The following FASTK variants were observed in gnomAD, a reference collection of about 807,000 sequenced individuals.
FASTK encodes Fas activated serine/threonine kinase.
A neutral mutation model predicts 60.0 loss-of-function variants in FASTK; 28 were observed. The ratio of observed to expected loss-of-function variants is 0.47; its 90% CI spans 0.35 to 0.64. The LOEUF is 0.64. Ranked by LOEUF, FASTK falls within the 30% of genes least tolerant of loss-of-function variation. FASTK has a pLI of 0.01. For synonymous variants in FASTK, 325 were observed against 307.9 expected (o/e 1.06, Z -0.58); for missense variants, 595 against 713.8 (o/e 0.83, Z 1.90).
At position 151,080,768 on chromosome 7, in the gene FASTK, G is replaced by A. The variant is rs546249265; in HGVS notation, c.-2C>T. 1.0e-4 allele frequency: 135 copies of A among 1,287,038 alleles called. No individual in the cohort carries two copies. Among genetic ancestry groups the A allele is most frequent in the Non-Finnish European group, 1.3e-4 (132 of 1,016,086 alleles). The allele number at this position is 1,287,038 out of a possible 1,614,324, so 79.7% of individuals were successfully genotyped here. A position where few individuals can be genotyped will look rare whatever the true frequency, so the allele number is the denominator to read the frequency against. ...GGGTTCCCCCCGCGGCCTCCTCATCGGCTAGCCACCGAGTCCGCCATCTTC... is the reference window on the plus strand; with the variant it reads ...GGGTTCCCCCCGCGGCCTCCTCATCAGCTAGCCACCGAGTCCGCCATCTTC... On this transcript the variant is annotated 5_prime_UTR_variant, in exon 1 of 10. Coordinates refer to ENST00000297532, the MANE Select transcript of FASTK (RefSeq NM_006712.5).
At chr7:151,078,740 C>A (rs993562036) in intron 3 of FASTK, 39 bp from the exon 4 acceptor site, 2 of 1,611,404 alleles carry the variant, frequency 1.2e-6, no homozygotes, top group Non-Finnish European at 1.7e-6. Flanking sequence ...CTCAGCCGGA[C>A]CTCCGGCTGG....
rs1205968456 is a variant in FASTK, at chr7:151,078,862, T to C, written c.665A>G (p.His222Arg). The change falls in exon 3 of 10, where the codon CAT (histidine) becomes CGT (arginine). Residue 222 changes from histidine to arginine, a missense_variant. Physicochemically the swap from His to Arg is conservative, Grantham distance 29. Around this residue, in one of 2 missense-constraint regions of FASTK, gnomAD observed 471 missense variants for 605.9 expected, o/e 0.78. Coordinates refer to ENST00000297532, the MANE Select transcript of FASTK (RefSeq NM_006712.5). ...AGCACCTGCCAGGCTGCTGATCAGATGCTGCCGTGGATACCGCAGAAAACG... is the reference window on the plus strand; with the variant it reads ...AGCACCTGCCAGGCTGCTGATCAGACGCTGCCGTGGATACCGCAGAAAACG... ...CPRFLRYPRQHLISSLAEARP... is the reference protein window; with the variant it reads ...CPRFLRYPRQRLISSLAEARP... The C allele has an allele frequency of 1.9e-6, 3 of 1,608,270 alleles. No individual in the cohort carries two copies. The highest frequency in any genetic ancestry group is 1.7e-6 in the Non-Finnish European group (2 of 1,178,234).
At position 151,077,995 on chromosome 7, in the gene FASTK, G is replaced by A. The variant is rs775688768; in HGVS notation, c.923C>T (p.Ala308Val). Residue 308 changes from alanine (A) to valine (V), a missense_variant, in exon 5 of 10, where the codon GCA becomes GTA. Ala to Val is a moderately conservative substitution (Grantham distance 64, BLOSUM62 0). This residue lies in a region of FASTK where 471 missense variants were observed against 605.9 expected (regional missense o/e 0.78). Coordinates refer to ENST00000297532, the MANE Select transcript of FASTK (RefSeq NM_006712.5). ...PCLERILAREAGVAPLATVNI... is the reference protein window; with the variant it reads ...PCLERILAREVGVAPLATVNI... The stretch of plus-strand genomic sequence containing the variant: ...GACTGTAGCCAGGGGTGCCACCCCT[G>A]CTTCCCGAGCCAGGATCCTCTCAAG... 9 of 1,612,746 alleles carry A rather than the reference G, an allele frequency of 5.6e-6. No individual in the cohort carries two copies. In the East Asian group the frequency reaches 1.8e-4, roughly 32 times the overall value.
rs1797946448 is a variant in FASTK at position 151,080,752 on chromosome 7, C to G, written c.15G>C (p.Arg5=). 1.5e-6 allele frequency: 2 copies of G among 1,302,796 alleles called. No homozygotes were observed. The highest frequency in any genetic ancestry group is 1.5e-5 in the African/African-American group (1 of 64,870). The allele number at this position is 1,302,796 out of a possible 1,614,324, so 80.7% of individuals were successfully genotyped here. A position where few individuals can be genotyped will look rare whatever the true frequency, so the allele number is the denominator to read the frequency against. Residue 5 remains arginine, a synonymous_variant, in exon 1 of 10, where the codon CGG becomes CGC. Transcript: ENST00000297532. The stretch of plus-strand genomic sequence containing the variant: ...TCGGGGCCCGGGGGCCGGGTTCCCC[C>G]CGCGGCCTCCTCATCGGCTAGCCAC... MRRP[R]GEPGPRAPRP... is the part of the protein sequence containing the mutation.
intron 1 of FASTK, chr7:151,080,366 C>T (rs1797922125): frequency 2.5e-6 from 2 of 804,562 alleles, no homozygotes; most frequent in Non-Finnish European, 3.3e-6. Context: ...GAGGCGGCGG[C>T]GGCACAGAGG....
Position 151,076,788 on chromosome 7 carries a change from G to A in FASTK, c.1587C>T (p.Leu529=). Residue 529 remains leucine, a synonymous_variant, in exon 10 of 10, where the codon CTC becomes CTT. Coordinates refer to ENST00000297532, the MANE Select transcript of FASTK (RefSeq NM_006712.5). Reference sequence around the variant, plus strand: ...GGAGCTTCTGCCTCAGGTAGCTCTTGAGCTGGGGCAGGCCTCTCTGGGACT... The same window carrying A: ...GGAGCTTCTGCCTCAGGTAGCTCTTAAGCTGGGGCAGGCCTCTCTGGGACT... ...ELESQRGLPQ[L]KSYLRQKLQA... 1 of 1,612,390 alleles carries A rather than the reference G, an allele frequency of 6.2e-7. No individual in the cohort carries two copies. Among genetic ancestry groups the A allele is most frequent in the South Asian group, 1.1e-5 (1 of 90,778 alleles).
intron 1 of FASTK, 138 bp from the exon 2 acceptor site, chr7:151,080,060 A>G: frequency 4.3e-6 from 3 of 705,018 alleles, no homozygotes; most frequent in Non-Finnish European, 7.0e-6. Flanking sequence ...CCTCTTCCCC[A>G]CCCCGCCCCT....
rs760394541 is a variant in FASTK, at chr7:151,078,026, G to A, written c.892C>T (p.Pro298Ser). ...CGAGCCAGGATCCTCTCAAGGCAGG[G>A]CATAAACTGCTGTTCCAGGGGCAGG... ...NYLPLEQQFM[P>S]CLERILAREA... The change falls in exon 5 of 10, where the codon CCC becomes TCC. Residue 298 changes from proline (P) to serine (S), a missense_variant. Pro to Ser is a moderately conservative substitution (Grantham distance 74, BLOSUM62 -1). This residue lies in a region of FASTK where 471 missense variants were observed against 605.9 expected (regional missense o/e 0.78). Coordinates refer to ENST00000297532, the MANE Select transcript of FASTK (RefSeq NM_006712.5). 6.2e-7 allele frequency: 1 copy of A among 1,607,676 alleles called. No individual in the cohort carries two copies. Among genetic ancestry groups the A allele is most frequent in the South Asian group, 1.1e-5 (1 of 90,950 alleles).
Position 151,076,651 on chromosome 7 carries a change from T to C in FASTK, c.*74A>G, listed in dbSNP as rs1355856529. ...GAAGGAAAGGAACTTTAATGAGAAA[T>C]CAAAACACAGGGAACCAAAGTGCAA... On this transcript the variant is annotated 3_prime_UTR_variant, in exon 10 of 10. Coordinates refer to ENST00000297532, the MANE Select transcript of FASTK (RefSeq NM_006712.5). 14 of 1,028,352 alleles carry C rather than the reference T, an allele frequency of 1.4e-5. No homozygotes were observed. The East Asian group carries it at 3.8e-4, about 28-fold the overall frequency. The allele number at this position is 1,028,352 out of a possible 1,614,324, so 63.7% of individuals were successfully genotyped here.
At position 151,078,107 on chromosome 7, in the gene FASTK, C is replaced by T. The variant is rs1563378913; in HGVS notation, c.826-15G>A. The T allele has an allele frequency of 6.5e-7, 1 of 1,549,182 alleles. No homozygotes were observed. The highest frequency in any genetic ancestry group is 1.8e-5 in the Admixed American group (1 of 56,544). ...TTCTGTACCACCTGTGGAGGAAGAG[C>T]AGTTCATTACCCAGTGTCAAGTATT... is the stretch of plus-strand genomic sequence containing the variant. On this transcript the variant is annotated splice_polypyrimidine_tract_variant and intron_variant, in intron 4 of 9. Transcript: ENST00000297532.
rs766579485 is a variant in FASTK, at chr7:151,076,687, C to T, written c.*38G>A. ...GGAACCAAAGTGCAAATCATCCACC[C>T]CCCATGGGGGGGCCATCCTGAACCC... On this transcript the variant is annotated 3_prime_UTR_variant, in exon 10 of 10. Coordinates refer to ENST00000297532, the MANE Select transcript of FASTK (RefSeq NM_006712.5). 1.5e-6 allele frequency: 2 copies of T among 1,331,476 alleles called. No homozygotes were observed. Among genetic ancestry groups the T allele is most frequent in the South Asian group, 1.4e-5 (1 of 72,240 alleles). 82.5% of individuals were successfully genotyped at this position (1,331,476 alleles called of 1,614,324 possible). A position where few individuals can be genotyped will look rare whatever the true frequency, so the allele number is the denominator to read the frequency against.
At position 151,076,696 on chromosome 7, in the gene FASTK, G is replaced by A; in HGVS notation, c.*29C>T. The A allele has an allele frequency of 7.0e-7, 1 of 1,425,364 alleles. No homozygotes were observed. The allele number at this position is 1,425,364 out of a possible 1,614,324, so 88.3% of individuals were successfully genotyped here. On this transcript the variant is annotated 3_prime_UTR_variant, in exon 10 of 10. Transcript: ENST00000297532. ...GTGCAAATCATCCACCCCCCATGGG[G>A]GGGCCATCCTGAACCCCACATCAAC...
chr7:151,078,206 G>C (rs1396552732), intron 4 of FASTK, 114 bp from the exon 5 acceptor site: 1 of 787,568 alleles, frequency 1.3e-6, no homozygotes, highest in African/African-American at 1.7e-5. Context: ...TGTAAAGACA[G>C]GACAGTCCCT....
In FASTK at chr7:151,080,743, G is replaced by A; in HGVS notation, c.24C>T (p.Pro8=). Residue 8 remains proline (P), a synonymous_variant, in exon 1 of 10, where the codon CCC becomes CCT. Coordinates refer to ENST00000297532, the MANE Select transcript of FASTK (RefSeq NM_006712.5). MRRPRGE[P]GPRAPRPTEG... Reference sequence around the variant, plus strand: ...CAGTCGGTCTCGGGGCCCGGGGGCCGGGTTCCCCCCGCGGCCTCCTCATCG... The same window carrying A: ...CAGTCGGTCTCGGGGCCCGGGGGCCAGGTTCCCCCCGCGGCCTCCTCATCG... 2 of 1,312,006 alleles carry A rather than the reference G, an allele frequency of 1.5e-6. No individual in the cohort carries two copies. The highest frequency in any genetic ancestry group is 4.1e-5 in the Admixed American group (1 of 24,132). The allele number at this position is 1,312,006 out of a possible 1,614,324, so 81.3% of individuals were successfully genotyped here. A position where few individuals can be genotyped will look rare whatever the true frequency, so the allele number is the denominator to read the frequency against.
At position 151,076,952 on chromosome 7, in the gene FASTK, C is replaced by T. The variant is rs1229257349; in HGVS notation, c.1503G>A (p.Arg501=). 3.7e-6 allele frequency: 6 copies of T among 1,611,932 alleles called. No individual in the cohort carries two copies. The highest frequency in any genetic ancestry group is 1.1e-5 in the South Asian group (1 of 90,982). ...GRVLLGSRAL[R]ERHLGLMGYQ... ...AGCCCATCAGGCCTAGGTGCCGCTC[C>T]CTCAGGGCCCTCGAGCCCAGCAGCA... The change falls in exon 9 of 10, where the codon AGG becomes AGA. Residue 501 remains arginine (R), a synonymous_variant. Transcript: ENST00000297532.
Position 151,077,034 on chromosome 7 carries a change from G to A in FASTK, c.1428-7C>T, listed in dbSNP as rs201230993. ...CCGCAACACCAGCACCACCCTGCAG[G>A]GGGAGGGACGTGGCTCAGGGCATGG... On this transcript the variant is annotated splice_polypyrimidine_tract_variant and splice_region_variant and intron_variant, in intron 8 of 9. Transcript: ENST00000297532. 2.6e-4 allele frequency: 421 copies of A among 1,612,332 alleles called. No homozygotes were observed. The African/African-American group carries it at 4.8e-3, about 18-fold the overall frequency.
chr7:151,076,906 C>T lies in FASTK; in HGVS notation c.1542+7G>A. On this transcript the variant is annotated splice_region_variant and intron_variant, in intron 9 of 9. Coordinates refer to ENST00000297532, the MANE Select transcript of FASTK (RefSeq NM_006712.5). ...GATGCGCCACGGGCCAGGCCAGGGC[C>T]ACTCACCGGCAGGAGCTGGTAGCCC... The T allele has an allele frequency of 1.9e-6, 3 of 1,603,666 alleles. No homozygotes were observed. The highest frequency in any genetic ancestry group is 2.2e-5 in the South Asian group (2 of 90,328).
Position 151,076,760 on chromosome 7 carries a change from C to A in FASTK, c.1615G>T (p.Ala539Ser). The A allele has an allele frequency of 6.2e-7, 1 of 1,611,006 alleles. No homozygotes were observed. Among genetic ancestry groups the A allele is most frequent in the Non-Finnish European group, 8.5e-7 (1 of 1,178,892 alleles). ...TCAGGCCCCCAGCGCAGGCCCAGGGCCTGGAGCTTCTGCCTCAGGTAGCTC... is the reference window on the plus strand; with the variant it reads ...TCAGGCCCCCAGCGCAGGCCCAGGGACTGGAGCTTCTGCCTCAGGTAGCTC... ...LKSYLRQKLQ[A>S]LGLRWGPEGG Residue 539 changes from alanine (A) to serine (S), a missense_variant, in exon 10 of 10, where the codon GCC becomes TCC. Coordinates refer to ENST00000297532, the MANE Select transcript of FASTK (RefSeq NM_006712.5).
chr7:151,079,813 C>T lies in FASTK; in HGVS notation c.192G>A (p.Gly64=). The T allele has an allele frequency of 6.2e-7, 1 of 1,600,540 alleles. No individual in the cohort carries two copies. The highest frequency in any genetic ancestry group is 8.5e-7 in the Non-Finnish European group (1 of 1,173,530). The stretch of plus-strand genomic sequence containing the variant: ...CAGGCCGGTCCCCCCATTTGCTGGG[C>T]CCCAAACAGCAGGGCTGTACTGGAG... ...LIPPVQPCCL[G]PSKWGDRPVG... The change falls in exon 2 of 10, where the codon GGG becomes GGA. Residue 64 remains glycine (G), a synonymous_variant. Transcript: ENST00000297532.
Sources: gnomAD v4.1 joint callset for allele counts on GRCh38, gnomAD v4.1.1 for gene constraint, gnomAD v4.1.1 regional missense constraint, MANE v1.5 for transcripts, NCBI Gene and HGNC (gene_info 2026-07-23, HGNC 2026-07-21) for gene names.